ORC3: variants seen among roughly 807,000 people sequenced by gnomAD.
The protein encoded by ORC3 is homolog of latheo, Drosophila.
In ORC3, 78 loss-of-function variants were observed where a neutral mutation model predicts 100.7. That is an observed-to-expected ratio of 0.77 (90% CI 0.65 to 0.94). The LOEUF is 0.94. Ranked by LOEUF, ORC3 falls within the 40% of genes least tolerant of loss-of-function variation. ORC3 has a pLI of 0.00. For missense variants in ORC3, 789 were observed against 823.9 expected, an observed-to-expected ratio of 0.96 and a Z score of 0.52; for synonymous variants, 295 against 289.3, an observed-to-expected ratio of 1.02 and a Z score of -0.20.
Position 87,621,946 on chromosome 6 carries a change from C to A in ORC3, c.1122-4C>A. On this transcript the variant is annotated splice_polypyrimidine_tract_variant and splice_region_variant and intron_variant, in intron 10 of 19. Transcript: ENST00000392844. ...TTTTATGTATGGAATGGTGAAAATT[C>A]TAGGTACGTGGAAAAGCAAGCTTCA... 1.3e-6 allele frequency: 2 copies of A among 1,595,230 alleles called. No homozygotes were observed. Among genetic ancestry groups the A allele is most frequent in the Non-Finnish European group, 1.7e-6 (2 of 1,165,842 alleles).
At chr6:87,601,611 G>T (rs1331572766) in intron 2 of ORC3, among the ~76,000 whole-genome samples, 173 bp from the exon 3 acceptor site, 2 of 151,790 alleles carry the variant, frequency 1.3e-5, no homozygotes, top group African/African-American at 4.8e-5. Flanking sequence ...GGCGGAGATC[G>T]CACTGAGCCA....
intron 13 of ORC3, among the ~76,000 whole-genome samples, chr6:87,649,439 G>T (rs183267109): frequency 3.9e-4 from 60 of 152,288 alleles, no homozygotes; most frequent in Admixed American, 1.3e-3. Flanking sequence ...ATACATTTCA[G>T]AATAATTTTT....
chr6:87,621,421 A>G lies in ORC3; in HGVS notation c.1055A>G (p.Lys352Arg). ...SVLCCNLPEA[K>R]RRINFLSNNQ... ...CTGTGCTGTAATCTTCCAGAAGCCA[A>G]AAGAAGAATAAATTTTTTATCAAAT... The change falls in exon 10 of 20, where the codon AAA becomes AGA. Residue 352 changes from lysine (K) to arginine (R), a missense_variant. Lys to Arg is a conservative substitution (Grantham distance 26). Around this residue, in one of 3 missense-constraint regions of ORC3, gnomAD observed 24 missense variants for 47.7 expected, o/e 0.50. Transcript: ENST00000392844. 12 of 1,603,396 alleles carry G rather than the reference A, an allele frequency of 7.5e-6. No homozygotes were observed. The highest frequency in any genetic ancestry group is 1.0e-5 in the Non-Finnish European group (12 of 1,175,156).
intron 9 of ORC3, among the ~76,000 whole-genome samples, chr6:87,616,984 A>G (rs190681861): frequency 6.6e-6 from 1 of 151,864 alleles, no homozygotes; most frequent in African/African-American, 2.4e-5. Flanking sequence ...ATTTAGTAGA[A>G]ACAGGGCTTC....
At chr6:87,607,628 T>C in intron 5 of ORC3, 45 bp from the exon 6 acceptor site, 1 of 1,492,536 alleles carries the variant, frequency 6.7e-7, no homozygotes, top group African/African-American at 1.4e-5. Context: ...GGTTTTATTT[T>C]TAGAAGAGGC....
At chr6:87,652,509 G>T (rs1769356728) in intron 13 of ORC3, among the ~76,000 whole-genome samples, 2 of 152,164 alleles carry the variant, frequency 1.3e-5, no homozygotes, top group Admixed American at 1.3e-4. Flanking sequence ...AGTTCAGTGG[G>T]TTTACTGACT....
rs543705423 is a variant in ORC3 at position 87,656,543 on chromosome 6, C to T, written c.1517-363C>T. ...AGGAGGTTGCAGTGAGCCAAGATGG[C>T]GCCACTGCACTCCAGCCTGGGCAAC... On this transcript the variant is annotated intron_variant, in intron 14 of 19. Transcript: ENST00000392844. Among the ~76,000 whole-genome samples, 6 of 151,882 alleles carry T rather than the reference C, an allele frequency of 4.0e-5. No homozygotes were observed. The South Asian group carries it at 6.2e-4, about 16-fold the overall frequency.
At chr6:87,603,670 T>A (rs963510291) in intron 4 of ORC3, 142 bp downstream of exon 4, 2 of 445,632 alleles carry the variant, frequency 4.5e-6, no homozygotes, top group Admixed American at 7.3e-5. Context: ...CCAACTATAG[T>A]TTATATTACA....
chr6:87,649,383 T>C (rs1769061502), intron 13 of ORC3, among the ~76,000 whole-genome samples: 1 of 152,198 alleles, frequency 6.6e-6, no homozygotes, highest in Admixed American at 6.5e-5. Context: ...CCATACACAC[T>C]CAAGTGTACA....
At chr6:87,621,863 C>A in intron 10 of ORC3, 87 bp from the exon 11 acceptor site, 2 of 866,374 alleles carry the variant, frequency 2.3e-6, no homozygotes, top group Non-Finnish European at 3.8e-6. Context: ...GGCTACCAAT[C>A]TAGGTAGTTC....
the ORC3 span, chr6:87,677,710 T>C: frequency 8.4e-6 from 11 of 1,316,640 alleles, no homozygotes; most frequent in East Asian, 2.6e-4. Flanking sequence ...TTTCTCATTC[T>C]CAGAGAATAT....
intron 14 of ORC3, among the ~76,000 whole-genome samples, chr6:87,655,028 A>G (rs1001079550): frequency 2.0e-5 from 3 of 152,238 alleles, no homozygotes; most frequent in South Asian, 2.1e-4. Flanking sequence ...CTGATTTTCA[A>G]AAGTGACTCA....
At chr6:87,590,292 G>T in intron 1 of ORC3, 100 bp downstream of exon 1, 1 of 1,295,074 alleles carries the variant, frequency 7.7e-7, no homozygotes, top group Non-Finnish European at 1.1e-6. Flanking sequence ...TCCCTGGCTG[G>T]AGAGGAGGGA....
intron 11 of ORC3, among the ~76,000 whole-genome samples, chr6:87,627,619 A>G (rs549501221): frequency 2.0e-5 from 3 of 152,036 alleles, no homozygotes; most frequent in South Asian, 4.1e-4. Flanking sequence ...TTCAATGTAT[A>G]TAAAGATGTA....
intron 4 of ORC3, among the ~76,000 whole-genome samples, chr6:87,604,191 G>C (rs1272096767): frequency 1.3e-5 from 2 of 152,020 alleles, no homozygotes; most frequent in African/African-American, 4.8e-5. Context: ...AATTTATTTG[G>C]GTTCCAAACA....
At chr6:87,659,485 CTT>C (rs1244675526) in intron 16 of ORC3, among the ~76,000 whole-genome samples, 2 of 152,138 alleles carry the variant, frequency 1.3e-5, no homozygotes, top group Non-Finnish European at 2.9e-5. Flanking sequence ...AATTACATGT[CTT>C]TTCTGAAAGT....
chr6:87,665,644 A>G (rs1770535174), intron 18 of ORC3, 110 bp from the exon 19 acceptor site: 3 of 643,192 alleles, frequency 4.7e-6, no homozygotes, highest in Non-Finnish European at 8.4e-6. Context: ...CTTAAATTTG[A>G]TATAATGAAG....
intron 11 of ORC3, among the ~76,000 whole-genome samples, chr6:87,634,500 C>CTG (rs1767663453): frequency 6.6e-6 from 1 of 152,242 alleles, no homozygotes; most frequent in African/African-American, 2.4e-5. Flanking sequence ...CCTTCCCTTG[C>CTG]TGTGGCACAC....
intron 5 of ORC3, 118 bp from the exon 6 acceptor site, chr6:87,607,555 A>G: frequency 3.0e-6 from 2 of 673,898 alleles, no homozygotes; most frequent in East Asian, 2.8e-5. Flanking sequence ...GATGGTAAGT[A>G]TAAAAAAACA....
Sources: allele counts gnomAD v4.1 joint callset (sites outside exome capture counted in the v4.1 genomes callset), GRCh38; gene constraint gnomAD v4.1.1; regional missense constraint gnomAD v4.1.1; transcripts MANE v1.5; gene names NCBI Gene and HGNC (gene_info 2026-07-23, HGNC 2026-07-21).